Variants in CSNK1D observed in about 807,000 individuals in gnomAD.
CSNK1D encodes casein kinase 1 delta.
CSNK1D carries 16 observed loss-of-function variants against 46.6 expected under a neutral mutation model. The observed-to-expected ratio is 0.34, with a 90% CI of 0.23 to 0.52. The LOEUF (loss-of-function observed/expected upper bound fraction) is 0.52. Among genes scored for constraint, CSNK1D ranks in the 20% least tolerant of loss-of-function variants. The pLI is 0.95. For synonymous variants in CSNK1D, 276 were observed against 228.2 expected (o/e 1.21, Z -1.89); for missense variants, 398 against 578.4 (o/e 0.69, Z 3.20).
chr17:82,245,350 C>T (rs919816142), intron 8 of CSNK1D: 7 of 248,814 alleles, frequency 2.8e-5, no homozygotes, highest in Admixed American at 1.0e-4. Flanking sequence ...CATGCACCGA[C>T]GGCGGGGAGT....
chr17:82,265,948 C>A, intron 1 of CSNK1D, 152 bp from the exon 2 acceptor site: 1 of 733,484 alleles, frequency 1.4e-6, no homozygotes, highest in South Asian at 1.4e-5. Flanking sequence ...GGCTAATCGG[C>A]TGACACATCT....
Position 82,251,682 on chromosome 17 carries a change from G to A in CSNK1D, c.737-155C>T, listed in dbSNP as rs1030349087. 13 of 830,738 alleles carry A rather than the reference G, an allele frequency of 1.6e-5. No homozygotes were observed. The African/African-American group carries it at 2.2e-4, about 14-fold the overall frequency. 51.5% of individuals were successfully genotyped at this position (830,738 alleles called of 1,614,324 possible). A position where few individuals can be genotyped will look rare whatever the true frequency, so the allele number is the denominator to read the frequency against. ...AGATTTCTAAGACCTGAAGCCTTGAGAAAGCATCGAAAAGTATTCAAGTCA... is the reference window on the plus strand; with the variant it reads ...AGATTTCTAAGACCTGAAGCCTTGAAAAAGCATCGAAAAGTATTCAAGTCA... On this transcript the variant is annotated intron_variant, in intron 5 of 8. Coordinates refer to ENST00000314028, the MANE Select transcript of CSNK1D (RefSeq NM_001893.6). This position sits in a 1 kb window ranked among gnomAD's most constrained non-coding sequence, Gnocchi z 4.5.
rs2050905764 is a variant in CSNK1D at position 82,248,421 on chromosome 17, G to C, written c.1197+454C>G. The C allele has an allele frequency of 9.8e-7, 1 of 1,017,816 alleles. No individual in the cohort carries two copies. The highest frequency in any genetic ancestry group is 1.2e-6 in the Non-Finnish European group (1 of 847,686). 63.0% of individuals were successfully genotyped at this position (1,017,816 alleles called of 1,614,324 possible). ...AGCCTCGTTGCAGGGCATGCCACCA[G>C]GGAGGGTCTCACAAGAAGCCCGTGG... On this transcript the variant is annotated intron_variant, in intron 8 of 8. Coordinates refer to ENST00000314028, the MANE Select transcript of CSNK1D (RefSeq NM_001893.6). This position sits in a 1 kb window ranked among gnomAD's most constrained non-coding sequence, Gnocchi z 4.1.
chr17:82,240,826 G>A (rs142676924), downstream of CSNK1D, among the ~76,000 whole-genome samples: 1 of 152,180 alleles, frequency 6.6e-6, no homozygotes, highest in African/African-American at 2.4e-5. Flanking sequence ...TGTGCCGCAG[G>A]GTGGGCGTGA....
chr17:82,266,299 G>A (rs895077262), intron 1 of CSNK1D, among the ~76,000 whole-genome samples: 3 of 152,320 alleles, frequency 2.0e-5, no homozygotes, highest in Admixed American at 6.5e-5. Flanking sequence ...CACAGGCAGC[G>A]GGAGTCATCT....
At chr17:82,265,487 G>A in intron 2 of CSNK1D, 199 bp downstream of exon 2, 1 of 605,902 alleles carries the variant, frequency 1.7e-6, no homozygotes, top group South Asian at 1.8e-5. Context: ...CCCATAAGAT[G>A]TTTCTTTGTG....
chr17:82,239,785 C>T, downstream of CSNK1D: 1 of 396,922 alleles, frequency 2.5e-6, no homozygotes, highest in Non-Finnish European at 4.4e-6. Context: ...CTCCTGCCTT[C>T]CCTTTTTCGC....
chr17:82,250,053 C>G lies in CSNK1D; in HGVS notation c.886-451G>C, dbSNP rs1162972230. 1 of 1,278,950 alleles carries G rather than the reference C, an allele frequency of 7.8e-7. No homozygotes were observed. Among genetic ancestry groups the G allele is most frequent in the South Asian group, 1.3e-5 (1 of 79,700 alleles). The allele number at this position is 1,278,950 out of a possible 1,614,324, so 79.2% of individuals were successfully genotyped here. On this transcript the variant is annotated intron_variant, in intron 6 of 8. Transcript: ENST00000314028. The surrounding 1 kb of genome is among the most constrained non-coding windows in gnomAD (Gnocchi z 4.6). ...TCGGACGAGGAGTACACTCAGGGTC[C>G]GGACCCTGCAGCCTCCAACAGCCTG...
In CSNK1D at chr17:82,244,138, G is replaced by GCA. The variant is rs982609089; in HGVS notation, c.*641_*642dup. 43 of 997,280 alleles carry GCA rather than the reference G, an allele frequency of 4.3e-5. No individual in the cohort carries two copies. The Middle Eastern group carries it at 1.5e-3, about 35-fold the overall frequency. 61.8% of individuals were successfully genotyped at this position (997,280 alleles called of 1,614,324 possible). ...GTTGAAGAGGTCCCACCACACACGG[G>GCA]CACACACACACACCACGGACTTTTG... On this transcript the variant is annotated 3_prime_UTR_variant, in exon 9 of 9. Coordinates refer to ENST00000314028, the MANE Select transcript of CSNK1D (RefSeq NM_001893.6).
downstream of CSNK1D, chr17:82,239,812 C>G: frequency 2.5e-6 from 1 of 405,582 alleles, no homozygotes; most frequent in South Asian, 1.4e-4. Context: ...GCCTGGCTGG[C>G]AGTGTGCGTG....
rs960566225 is a variant in CSNK1D, at chr17:82,248,940, G to C, written c.1132C>G (p.Pro378Ala). ...KVSMRLHRGA[P>A]VNISSSDLTG... ...AGGTCGGACGAGGAGATGTTGACGGGGGCCCCGCGGTGCAGCCGCATACTC... is the reference window on the plus strand; with the variant it reads ...AGGTCGGACGAGGAGATGTTGACGGCGGCCCCGCGGTGCAGCCGCATACTC... The change falls in exon 8 of 9, where the codon CCC becomes GCC. Residue 378 changes from proline to alanine, a missense_variant. Coordinates refer to ENST00000314028, the MANE Select transcript of CSNK1D (RefSeq NM_001893.6). This position sits in a 1 kb window ranked among gnomAD's most constrained non-coding sequence, Gnocchi z 4.1. 1.2e-6 allele frequency: 2 copies of C among 1,603,698 alleles called. No homozygotes were observed. Among genetic ancestry groups the C allele is most frequent in the African/African-American group, 2.7e-5 (2 of 74,706 alleles).
chr17:82,265,309 G>A (rs1273140591), intron 2 of CSNK1D: 3 of 332,034 alleles, frequency 9.0e-6, no homozygotes, highest in African/African-American at 6.5e-5. Flanking sequence ...CTCCCAAACA[G>A]CTGGGATTAC....
chr17:82,266,331 A>G (rs539555686), intron 1 of CSNK1D, among the ~76,000 whole-genome samples: 1 of 152,358 alleles, frequency 6.6e-6, no homozygotes, highest in African/African-American at 2.4e-5. Context: ...ATTGCAGGCA[A>G]ACACCCTCCA....
chr17:82,252,673 G>C lies in CSNK1D; in HGVS notation c.566-69C>G, dbSNP rs186874647. The C allele has an allele frequency of 2.8e-4, 419 of 1,511,680 alleles. 1 individual carries two copies. The African/African-American group carries it at 5.1e-3, about 18-fold the overall frequency. The allele number at this position is 1,511,680 out of a possible 1,614,324, so 93.6% of individuals were successfully genotyped here. Reference sequence around the variant, plus strand: ...TCACGTCAAAGCAAAAGACCCGGCTGGCCGTTCCAGTGGAGACTAGCCTCA... The same window carrying C: ...TCACGTCAAAGCAAAAGACCCGGCTCGCCGTTCCAGTGGAGACTAGCCTCA... On this transcript the variant is annotated intron_variant, in intron 4 of 8. Transcript: ENST00000314028. This position sits in a 1 kb window ranked among gnomAD's most constrained non-coding sequence, Gnocchi z 4.6.
chr17:82,242,384 C>T (rs1201601750), downstream of CSNK1D, among the ~76,000 whole-genome samples: 1 of 152,190 alleles, frequency 6.6e-6, no homozygotes, highest in Non-Finnish European at 1.5e-5. Flanking sequence ...GCCGGTGCCG[C>T]CCGAGAAGGC....
chr17:82,245,223 G>A (rs1284087639), intron 8 of CSNK1D: 1 of 379,410 alleles, frequency 2.6e-6, no homozygotes, highest in Non-Finnish European at 5.0e-6. Flanking sequence ...TGTGCACAGT[G>A]TGAAAACTGC....
intron 2 of CSNK1D, among the ~76,000 whole-genome samples, chr17:82,263,705 T>C (rs1014688664): frequency 6.6e-6 from 1 of 152,230 alleles, no homozygotes; most frequent in African/African-American, 2.4e-5. Flanking sequence ...CCTGGAGACA[T>C]CTCTCGTAAA....
At chr17:82,239,030 T>C, downstream of CSNK1D, 1 of 1,470,520 alleles carries the variant, frequency 6.8e-7, no homozygotes, top group Non-Finnish European at 9.0e-7. Context: ...CCGGCAACGC[T>C]TGCTATTTAT....
chr17:82,260,715 T>C (rs1041273420), intron 2 of CSNK1D, among the ~76,000 whole-genome samples: 3 of 139,416 alleles, frequency 2.2e-5, no homozygotes, highest in African/African-American at 3.3e-5. Context: ...ATGTGACTGA[T>C]GGTGTACTGA....
Sources: allele counts gnomAD v4.1 joint callset (sites outside exome capture counted in the v4.1 genomes callset), GRCh38; gene constraint gnomAD v4.1.1; non-coding constraint Gnocchi (gnomAD v3.1); transcripts MANE v1.5; gene names NCBI Gene and HGNC (gene_info 2026-07-23, HGNC 2026-07-21).